SNX29: variants seen among roughly 807,000 people sequenced by gnomAD.
SNX29 encodes the protein sorting nexin 29, also known as sorting nexin-29.
SNX29 carries 78 observed loss-of-function variants against 102.1 expected under a neutral mutation model. The ratio of observed to expected loss-of-function variants is 0.76; its 90% CI spans 0.64 to 0.92. The LOEUF is 0.92. Among genes scored for constraint, SNX29 ranks in the 40% least tolerant of loss-of-function variants. SNX29 has a pLI of 0.00. For missense variants in SNX29, 1,280 were observed against 1,061.7 expected (o/e 1.21, Z -2.86); for synonymous variants, 580 against 414.5 (o/e 1.40, Z -4.85).
At chr16:12,548,736 A>C (rs2081098092) in intron 20 of SNX29, among the ~76,000 whole-genome samples, 1 of 152,124 alleles carries the variant, frequency 6.6e-6, no homozygotes, top group African/African-American at 2.4e-5. Flanking sequence ...CCAGGGCTCC[A>C]AGGTGTTTTC....
At chr16:11,984,136 T>C (rs1484269404) in intron 1 of SNX29, among the ~76,000 whole-genome samples, 1 of 152,150 alleles carries the variant, frequency 6.6e-6, no homozygotes, top group Non-Finnish European at 1.5e-5. Context: ...GAGGATCGCT[T>C]GAGCCCAGGA....
intron 16 of SNX29, among the ~76,000 whole-genome samples, chr16:12,368,354 G>T (rs970946227): frequency 6.6e-6 from 1 of 152,206 alleles, no homozygotes; most frequent in African/African-American, 2.4e-5. Context: ...GAAAGCATTG[G>T]CAAGGTGCAA....
intron 9 of SNX29, among the ~76,000 whole-genome samples, chr16:12,067,451 G>A (rs935941346): frequency 1.2e-4 from 18 of 152,060 alleles, no homozygotes; most frequent in African/African-American, 4.1e-4. Flanking sequence ...CCCGATGCAC[G>A]GCTGGTTCCA....
intron 13 of SNX29, among the ~76,000 whole-genome samples, chr16:12,156,862 G>A (rs1337683952): frequency 6.6e-6 from 1 of 152,186 alleles, no homozygotes; most frequent in Non-Finnish European, 1.5e-5. Flanking sequence ...CCTGGAGCTC[G>A]GGTGTGTGTA....
Position 12,157,200 on chromosome 16 carries a change from C to G in SNX29, c.1595+27442C>G, listed in dbSNP as rs372186790. 3.4e-4 allele frequency among the ~76,000 whole-genome samples: 52 copies of G among 152,300 alleles called. 1 individual carries two copies. Among genetic ancestry groups the G allele is most frequent in the South Asian group, 2.5e-3 (12 of 4,824 alleles). On this transcript the variant is annotated intron_variant, in intron 13 of 20. Transcript: ENST00000566228. ...GCATTCATCCACCAACATCCACCCCCCATAGGCTGATGGTTGTCCCCTCAA... is the reference window on the plus strand; with the variant it reads ...GCATTCATCCACCAACATCCACCCCGCATAGGCTGATGGTTGTCCCCTCAA...
intron 13 of SNX29, chr16:12,135,668 TC>T: frequency 7.9e-7 from 1 of 1,265,472 alleles, no homozygotes; most frequent in Non-Finnish European, 1.1e-6. Flanking sequence ...CTGGATCCAG[TC>T]TTTCCTGAAG....
At chr16:12,543,761 A>G (rs952373781) in intron 20 of SNX29, among the ~76,000 whole-genome samples, 1 of 152,186 alleles carries the variant, frequency 6.6e-6, no homozygotes, top group Non-Finnish European at 1.5e-5. Flanking sequence ...GAGATTTTCC[A>G]AGTTTATTTT....
At chr16:12,128,368 C>T (rs1632455) in intron 12 of SNX29, among the ~76,000 whole-genome samples, 69,099 of 151,938 alleles carry the variant, frequency 0.45, 17,282 homozygotes, top group East Asian at 0.71. Context: ...GGGGAATTTC[C>T]TCAAAGCTCT....
intron 17 of SNX29, among the ~76,000 whole-genome samples, chr16:12,401,407 C>T (rs1242885741): frequency 1.4e-5 from 2 of 146,952 alleles, no homozygotes; most frequent in Non-Finnish European, 3.0e-5. Flanking sequence ...CTCTGTTGCC[C>T]AGGCTGGAGT....
rs564591606 is a variant in SNX29, at chr16:12,434,175, T to C, written c.2037+30646T>C. ...TTCTGCCTGGCCTCAGGCAACTTAA[T>C]TGACCTTTCTGGGCCTCAGTTTCCT... On this transcript the variant is annotated intron_variant, in intron 18 of 20. Coordinates refer to ENST00000566228, the MANE Select transcript of SNX29 (RefSeq NM_032167.5). Among the ~76,000 whole-genome samples the C allele has an allele frequency of 3.3e-5, 5 of 152,342 alleles. No homozygotes were observed. The South Asian group carries it at 1.0e-3, about 32-fold the overall frequency.
chr16:12,007,250 A>C (rs1016593678), intron 3 of SNX29, among the ~76,000 whole-genome samples: 5 of 152,242 alleles, frequency 3.3e-5, no homozygotes, highest in Non-Finnish European at 7.3e-5. Flanking sequence ...CACGCCTATA[A>C]TCCCAGCCTT....
intron 1 of SNX29, among the ~76,000 whole-genome samples, chr16:11,993,927 C>A (rs398057): frequency 0.25 from 37,293 of 152,108 alleles, 5,741 homozygotes; most frequent in Non-Finnish European, 0.34. Context: ...TTGAGAGCAG[C>A]CTGGCCAACA....
intron 3 of SNX29, among the ~76,000 whole-genome samples, chr16:12,022,279 C>A (rs555685826): frequency 3.3e-5 from 5 of 151,288 alleles, no homozygotes; most frequent in Non-Finnish European, 5.9e-5. Flanking sequence ...CAGCTCACTG[C>A]GACCTCCGCC....
intron 13 of SNX29, among the ~76,000 whole-genome samples, chr16:12,160,092 C>T (rs1321132205): frequency 6.6e-6 from 1 of 152,186 alleles, no homozygotes; most frequent in East Asian, 1.9e-4. Context: ...ATGAGATTTG[C>T]CACAGCAGGG....
chr16:12,557,999 G>A (rs2078477892), intron 20 of SNX29, among the ~76,000 whole-genome samples: 1 of 152,174 alleles, frequency 6.6e-6, no homozygotes, highest in African/African-American at 2.4e-5. Context: ...ACGGTTGGTT[G>A]GGCTGGGTGC....
chr16:12,115,110 C>G (rs566828314), intron 11 of SNX29, among the ~76,000 whole-genome samples: 1 of 152,256 alleles, frequency 6.6e-6, no homozygotes, highest in Admixed American at 6.5e-5. Flanking sequence ...CCAGACCTAG[C>G]CTTCAAGGTT....
intron 13 of SNX29, among the ~76,000 whole-genome samples, chr16:12,136,828 C>T (rs1310805473): frequency 2.6e-5 from 4 of 152,164 alleles, no homozygotes; most frequent in Non-Finnish European, 4.4e-5. Context: ...CAACCTCCAC[C>T]TCCTGGGTTC....
intron 3 of SNX29, among the ~76,000 whole-genome samples, chr16:12,019,613 T>G (rs1005601556): frequency 6.6e-6 from 1 of 150,440 alleles, no homozygotes; most frequent in African/African-American, 2.5e-5. Context: ...GATAGATAGA[T>G]AGATAGATAG....
rs537441350 is a variant in SNX29, at chr16:12,496,507, C to CTTTTTT, written c.2178+18665_2178+18670dup. Among the ~76,000 whole-genome samples the CTTTTTT allele has an allele frequency of 6.2e-3, 709 of 115,172 alleles. 42 individuals are homozygous for CTTTTTT. The highest frequency in any genetic ancestry group is 0.026 in the African/African-American group (664 of 25,998). The allele number at this position is 115,172 out of a possible 152,430, so 75.6% of individuals were successfully genotyped here. ...TCTCACACCTCCTTGGCTCTCATGG[C>CTTTTTT]TTTTTTTTTTTTTTTTTTTTTTAAA... On this transcript the variant is annotated intron_variant, in intron 19 of 20. Coordinates refer to ENST00000566228, the MANE Select transcript of SNX29 (RefSeq NM_032167.5).
Sources: gnomAD v4.1 joint callset for allele counts (sites outside exome capture counted in the v4.1 genomes callset) on GRCh38, gnomAD v4.1.1 for gene constraint, MANE v1.5 for transcripts, NCBI Gene and HGNC (gene_info 2026-07-23, HGNC 2026-07-21) for gene names.